The following SHANK2 variants were observed in gnomAD, a reference collection of about 807,000 sequenced individuals.
SHANK2 encodes SH3 and multiple ankyrin repeat domains 2.
SHANK2 carries 43 observed loss-of-function variants against 133.7 expected under a neutral mutation model. That is an observed-to-expected ratio of 0.32 (90% CI 0.25 to 0.41). The LOEUF (loss-of-function observed/expected upper bound fraction) is 0.41, where lower values mean the gene tolerates loss of function less well. Among genes scored for constraint, SHANK2 ranks in the 10% least tolerant of loss-of-function variants. SHANK2 has a pLI of 1.00. For missense variants in SHANK2, 1,994 were observed against 2,235.8 expected (o/e 0.89, Z 2.18); for synonymous variants, 1,017 against 952.8 (o/e 1.07, Z -1.24).
At chr11:70,501,244 C>T (rs1217857672) in intron 20 of SHANK2, among the ~76,000 whole-genome samples, 2 of 152,262 alleles carry the variant, frequency 1.3e-5, no homozygotes, top group Admixed American at 6.5e-5. Flanking sequence ...GAGAAGCGGC[C>T]TGGCCGGCCT....
At chr11:71,091,761 C>T (rs1951523224) in intron 8 of SHANK2, among the ~76,000 whole-genome samples, 1 of 152,196 alleles carries the variant, frequency 6.6e-6, no homozygotes, top group Non-Finnish European at 1.5e-5. Context: ...TCAGCCCTGG[C>T]TCTCCTGCTC....
At chr11:71,233,432 C>T (rs1550539) in intron 1 of SHANK2, among the ~76,000 whole-genome samples, 46,984 of 151,898 alleles carry the variant, frequency 0.31, 7,336 homozygotes, top group East Asian at 0.44. Flanking sequence ...CTCACCAAGA[C>T]GGGAGACAGA....
chr11:70,740,890 A>C (rs1228857889), intron 14 of SHANK2, among the ~76,000 whole-genome samples: 3 of 152,142 alleles, frequency 2.0e-5, no homozygotes, highest in Non-Finnish European at 4.4e-5. Context: ...GAACATCCTG[A>C]GTACCTGCAG....
chr11:70,783,181 C>T (rs1947548661), intron 14 of SHANK2, among the ~76,000 whole-genome samples: 1 of 152,154 alleles, frequency 6.6e-6, no homozygotes, highest in Non-Finnish European at 1.5e-5. Context: ...GCCTCCAGAA[C>T]CAGCATTTTA....
intron 2 of SHANK2, among the ~76,000 whole-genome samples, chr11:71,161,022 A>G (rs1288557500): frequency 3.3e-5 from 5 of 152,222 alleles, no homozygotes; most frequent in African/African-American, 4.8e-5. Flanking sequence ...TTCTAAGTCC[A>G]CCACCAACTG....
chr11:70,580,606 G>A (rs2060171773), intron 17 of SHANK2, among the ~76,000 whole-genome samples: 1 of 152,220 alleles, frequency 6.6e-6, no homozygotes, highest in Non-Finnish European at 1.5e-5. Context: ...GATGAAGGAG[G>A]AGGGAGTGGT....
At chr11:70,674,942 C>T (rs981236578) in intron 15 of SHANK2, among the ~76,000 whole-genome samples, 2 of 152,210 alleles carry the variant, frequency 1.3e-5, no homozygotes. Context: ...AATACATGTA[C>T]ATGGCATATA....
intron 17 of SHANK2, among the ~76,000 whole-genome samples, chr11:70,551,231 C>G (rs1400355567): frequency 6.6e-6 from 1 of 152,150 alleles, no homozygotes; most frequent in African/African-American, 2.4e-5. Flanking sequence ...GTGGCTCTTT[C>G]AGCTTCAAAG....
chr11:70,484,154 G>A (rs2058771369), intron 25 of SHANK2, among the ~76,000 whole-genome samples: 1 of 152,226 alleles, frequency 6.6e-6, no homozygotes, highest in African/African-American at 2.4e-5. Context: ...AGAACCATAA[G>A]CCATCACGGG....
intron 14 of SHANK2, among the ~76,000 whole-genome samples, chr11:70,736,263 C>T (rs1946401448): frequency 6.6e-6 from 1 of 152,148 alleles, no homozygotes; most frequent in Admixed American, 6.6e-5. Flanking sequence ...GTGTGCCCCT[C>T]TCTAGTTGTG....
intron 2 of SHANK2, among the ~76,000 whole-genome samples, chr11:71,157,852 G>A (rs1412970729): frequency 2.0e-5 from 3 of 152,094 alleles, no homozygotes; most frequent in African/African-American, 7.2e-5. Flanking sequence ...GGCTTCCTGG[G>A]AGACAACCTA....
intron 17 of SHANK2, among the ~76,000 whole-genome samples, chr11:70,553,873 C>T (rs1433345330): frequency 6.6e-6 from 1 of 152,242 alleles, no homozygotes; most frequent in African/African-American, 2.4e-5. Flanking sequence ...CACTCCTCAT[C>T]CAGGTGGGGT....
chr11:70,897,810 G>A (rs998235080), intron 10 of SHANK2, among the ~76,000 whole-genome samples: 5 of 151,868 alleles, frequency 3.3e-5, no homozygotes, highest in Non-Finnish European at 5.9e-5. Flanking sequence ...GAAAGTCTTC[G>A]CTCTTCAGTT....
intron 11 of SHANK2, among the ~76,000 whole-genome samples, chr11:70,857,228 G>T (rs74321299): frequency 6.6e-6 from 1 of 152,118 alleles, no homozygotes; most frequent in South Asian, 2.1e-4. Context: ...ACAAGTAAGC[G>T]GGCCTCAGCT....
rs894654042 is a variant in SHANK2 at position 71,088,516 on chromosome 11, C to A, written c.912+3906G>T. Among the ~76,000 whole-genome samples, 6 of 151,372 alleles carry A rather than the reference C, an allele frequency of 4.0e-5. 1 individual carries two copies. In the East Asian group the frequency reaches 1.2e-3, roughly 30 times the overall value. On this transcript the variant is annotated intron_variant, in intron 8 of 25. Coordinates refer to ENST00000601538, the MANE Select transcript of SHANK2 (RefSeq NM_012309.5). ...TTTGGCCAGGCGGGAGGGACGTCCC[C>A]AACGTCCATGTCTCTTAGAGACTCA...
At chr11:70,906,474 G>A (rs551705573) in intron 10 of SHANK2, among the ~76,000 whole-genome samples, 2 of 152,294 alleles carry the variant, frequency 1.3e-5, no homozygotes, top group East Asian at 1.9e-4. Context: ...CCAGAACTCG[G>A]AGGAAAGCCA....
intron 21 of SHANK2, among the ~76,000 whole-genome samples, chr11:70,494,146 C>T (rs908991470): frequency 6.6e-6 from 1 of 152,118 alleles, no homozygotes; most frequent in African/African-American, 2.4e-5. Context: ...AGCCAGGCGC[C>T]CTGTGATGGC....
chr11:70,871,793 C>T (rs1333456411), intron 11 of SHANK2, among the ~76,000 whole-genome samples: 3 of 152,166 alleles, frequency 2.0e-5, no homozygotes, highest in African/African-American at 7.2e-5. Context: ...GGCACAGTCC[C>T]CATCTGAATT....
chr11:70,671,399 T>C (rs1016568665), intron 15 of SHANK2, among the ~76,000 whole-genome samples: 1 of 152,142 alleles, frequency 6.6e-6, no homozygotes, highest in Non-Finnish European at 1.5e-5. Flanking sequence ...CGAGCGCCAG[T>C]ATCCTCACTT....
Sources: allele counts gnomAD v4.1 joint callset (sites outside exome capture counted in the v4.1 genomes callset), GRCh38; gene constraint gnomAD v4.1.1; transcripts MANE v1.5; gene names NCBI Gene and HGNC (gene_info 2026-07-23, HGNC 2026-07-21).